The following KIAA1217 variants were observed in gnomAD, a reference collection of about 807,000 sequenced individuals.
The protein encoded by KIAA1217 is sickle tail protein homolog.
KIAA1217 carries 88 observed loss-of-function variants against 163.9 expected under a neutral mutation model. The ratio of observed to expected loss-of-function variants is 0.54; its 90% CI spans 0.45 to 0.64. The LOEUF (loss-of-function observed/expected upper bound fraction) is 0.64. KIAA1217 is among the 30% of genes least tolerant of loss of function. KIAA1217 has a pLI of 0.00. For synonymous variants in KIAA1217, 903 were observed against 923.1 expected, an observed-to-expected ratio of 0.98 and a Z score of 0.39; for missense variants, 2,372 against 2,475.0, an observed-to-expected ratio of 0.96 and a Z score of 0.88.
intron 7 of KIAA1217, among the ~76,000 whole-genome samples, chr10:24,494,819 T>C (rs1164032615): frequency 1.3e-5 from 2 of 151,224 alleles, no homozygotes; most frequent in Non-Finnish European, 2.9e-5. Context: ...AAAGTAACAC[T>C]TTGGCCCAAG....
intron 2 of KIAA1217, among the ~76,000 whole-genome samples, chr10:24,353,203 A>C (rs1027774852): frequency 2.0e-5 from 3 of 152,190 alleles, no homozygotes; most frequent in Admixed American, 2.0e-4. Context: ...GTCCCAGATG[A>C]AAATGGCTGT....
intron 12 of KIAA1217, 118 bp from the exon 13 acceptor site, chr10:24,524,205 C>A: frequency 9.8e-7 from 1 of 1,016,524 alleles, no homozygotes; most frequent in Non-Finnish European, 1.5e-6. Context: ...CCCTAAGCGG[C>A]TACTCTGAGC....
chr10:23,893,543 G>T (rs1375937382), intron 1 of KIAA1217, among the ~76,000 whole-genome samples: 1 of 151,928 alleles, frequency 6.6e-6, no homozygotes, highest in Non-Finnish European at 1.5e-5. Context: ...GCTTTTGGAT[G>T]TGTTTGCTCT....
chr10:23,833,801 A>G (rs1014717326), intron 1 of KIAA1217, among the ~76,000 whole-genome samples: 1 of 151,972 alleles, frequency 6.6e-6, no homozygotes, highest in Non-Finnish European at 1.5e-5. Context: ...TGGAATTTCT[A>G]TTAGATAAGT....
intron 2 of KIAA1217, chr10:24,042,572 A>G (rs1033424289): frequency 3.6e-4 from 55 of 152,222 alleles, no homozygotes; most frequent in African/African-American, 1.3e-3. Flanking sequence ...CGGTAACTTC[A>G]ATGAATGAGA....
intron 2 of KIAA1217, among the ~76,000 whole-genome samples, chr10:24,186,757 G>A (rs1165152544): frequency 6.6e-6 from 1 of 152,102 alleles, no homozygotes. Context: ...CAGCATGGTG[G>A]TGAGTGCCTG....
At chr10:23,715,526 A>G (rs1386594355) in intron 1 of KIAA1217, among the ~76,000 whole-genome samples, 1 of 152,202 alleles carries the variant, frequency 6.6e-6, no homozygotes, top group African/African-American at 2.4e-5. Context: ...ACCTCATGGT[A>G]AAAGTTGTAT....
intron 2 of KIAA1217, among the ~76,000 whole-genome samples, chr10:24,366,811 C>T (rs2050850620): frequency 6.6e-6 from 1 of 152,220 alleles, no homozygotes; most frequent in African/African-American, 2.4e-5. Flanking sequence ...TTCCCTGCAG[C>T]TCTGGGACAA....
intron 3 of KIAA1217, among the ~76,000 whole-genome samples, chr10:24,393,427 TC>T: frequency 6.6e-6 from 1 of 152,262 alleles, no homozygotes; most frequent in Admixed American, 6.5e-5. Flanking sequence ...AGCCAGACTT[TC>T]CATCCAGGAA....
intron 2 of KIAA1217, among the ~76,000 whole-genome samples, chr10:24,014,844 C>T (rs1238996248): frequency 6.6e-6 from 1 of 151,974 alleles, no homozygotes. Context: ...AGTGTTAAAA[C>T]CACATTGAAT....
intron 2 of KIAA1217, among the ~76,000 whole-genome samples, chr10:24,247,405 T>G (rs1414208750): frequency 3.9e-5 from 6 of 152,206 alleles, no homozygotes; most frequent in Non-Finnish European, 5.9e-5. Flanking sequence ...GTTGGGATTA[T>G]AGGCATGAGC....
At chr10:23,894,749 G>A (rs894860094) in intron 1 of KIAA1217, among the ~76,000 whole-genome samples, 2 of 149,514 alleles carry the variant, frequency 1.3e-5, no homozygotes, top group Admixed American at 6.7e-5. Flanking sequence ...TATACTACAA[G>A]GCTACAGTAA....
chr10:23,801,823 C>G (rs1044939326), intron 1 of KIAA1217, among the ~76,000 whole-genome samples: 27 of 152,280 alleles, frequency 1.8e-4, no homozygotes, highest in African/African-American at 6.0e-4. Context: ...TGGGTTCAGC[C>G]TGGTGTTATC....
At chr10:23,749,503 G>A (rs1839619487) in intron 1 of KIAA1217, among the ~76,000 whole-genome samples, 1 of 152,046 alleles carries the variant, frequency 6.6e-6, no homozygotes, top group African/African-American at 2.4e-5. Context: ...CGCCTCCTAG[G>A]TTCAAGTGAT....
At chr10:24,022,880 G>C (rs1393836320) in intron 2 of KIAA1217, among the ~76,000 whole-genome samples, 1 of 149,976 alleles carries the variant, frequency 6.7e-6, no homozygotes, top group Non-Finnish European at 1.5e-5. Flanking sequence ...ATTATTCCTA[G>C]TCAAAACTTT....
chr10:23,876,994 A>T (rs1241972967), intron 1 of KIAA1217, among the ~76,000 whole-genome samples: 4 of 151,964 alleles, frequency 2.6e-5, no homozygotes, highest in Admixed American at 2.6e-4. Context: ...GTGGCTTGAC[A>T]CCGCCAACTT....
At chr10:24,415,801 G>T (rs148599060) in intron 3 of KIAA1217, among the ~76,000 whole-genome samples, 2 of 152,304 alleles carry the variant, frequency 1.3e-5, no homozygotes, top group East Asian at 3.9e-4. Context: ...TATTGCTCTG[G>T]CCAGGGCTGA....
At chr10:23,815,009 C>T (rs1041813001) in intron 1 of KIAA1217, among the ~76,000 whole-genome samples, 5 of 152,114 alleles carry the variant, frequency 3.3e-5, no homozygotes, top group African/African-American at 1.2e-4. Flanking sequence ...GGAAGACATG[C>T]AAGTGAAAAT....
rs538207351 is a variant in KIAA1217, at chr10:24,370,041, A to G, written c.355-10828A>G. ...AGCACTTTGGGAGGCCGAGGCAGGTAGATCACGAGGTCAGGAGATCGAGAC... is the reference window on the plus strand; with the variant it reads ...AGCACTTTGGGAGGCCGAGGCAGGTGGATCACGAGGTCAGGAGATCGAGAC... On this transcript the variant is annotated intron_variant, in intron 2 of 20. Transcript: ENST00000376454. Among the ~76,000 whole-genome samples, 6 of 152,248 alleles carry G rather than the reference A, an allele frequency of 3.9e-5. No individual in the cohort carries two copies. The South Asian group carries it at 1.0e-3, about 26-fold the overall frequency.
Sources: gnomAD v4.1 joint callset for allele counts (sites outside exome capture counted in the v4.1 genomes callset) on GRCh38, gnomAD v4.1.1 for gene constraint, MANE v1.5 for transcripts, NCBI Gene and HGNC (gene_info 2026-07-23, HGNC 2026-07-21) for gene names.